ADCY5: variants seen among roughly 807,000 people sequenced by gnomAD.
ADCY5 encodes the protein adenylate cyclase 5.
Under a neutral mutation model 119.7 loss-of-function variants are expected in ADCY5, and 30 were observed. That is an observed-to-expected ratio of 0.25 (90% CI 0.19 to 0.34). The LOEUF (loss-of-function observed/expected upper bound fraction) is 0.34. Among genes scored for constraint, ADCY5 ranks in the 10% least tolerant of loss-of-function variants. The pLI is 1.00. For synonymous variants in ADCY5, 753 were observed against 762.2 expected, an observed-to-expected ratio of 0.99 and a Z score of 0.20; for missense variants, 1,324 against 1,775.2, an observed-to-expected ratio of 0.75 and a Z score of 4.57.
chr3:123,385,411 G>A (rs139414689), intron 1 of ADCY5, among the ~76,000 whole-genome samples: 488 of 152,292 alleles, frequency 3.2e-3, no homozygotes, highest in Non-Finnish European at 4.5e-3. Flanking sequence ...CGTTAATAGA[G>A]CCAAAGTGCT....
chr3:123,384,063 C>T (rs1256327796), intron 1 of ADCY5, among the ~76,000 whole-genome samples: 1 of 152,158 alleles, frequency 6.6e-6, no homozygotes, highest in Non-Finnish European at 1.5e-5. Flanking sequence ...TCTGTCCATG[C>T]TCCCGGGACA....
chr3:123,438,861 C>A (rs1483609342), intron 1 of ADCY5, among the ~76,000 whole-genome samples: 1 of 152,056 alleles, frequency 6.6e-6, no homozygotes, highest in Non-Finnish European at 1.5e-5. Flanking sequence ...ATCCTTCCAC[C>A]TCAGCCTCCC....
In ADCY5 at chr3:123,325,326, C is replaced by T. The variant is rs765349480; in HGVS notation, c.2084G>A (p.Arg695Gln). 3.7e-6 allele frequency: 6 copies of T among 1,614,078 alleles called. No individual in the cohort carries two copies. Among genetic ancestry groups the T allele is most frequent in the Admixed American group, 3.3e-5 (2 of 60,022 alleles). Residue 695 changes from arginine to glutamine, a missense_variant, in exon 8 of 21, where the codon CGG becomes CAG. By Grantham distance (43) the Arg-to-Gln change is conservative. Coordinates refer to ENST00000462833, the MANE Select transcript of ADCY5 (RefSeq NM_183357.3). Reference protein sequence around the residue: ...GGNQVSKEMKRMGFEDPKDKN... With the variant: ...GGNQVSKEMKQMGFEDPKDKN... ...GCTGCCCCACCAGCCACTCACCATC[C>T]GCTTCATCTCCTTGGACACCTGGTT...
chr3:123,428,914 G>C (rs142620322), intron 1 of ADCY5, among the ~76,000 whole-genome samples: 2 of 152,186 alleles, frequency 1.3e-5, no homozygotes, highest in African/African-American at 4.8e-5. Context: ...TTCAGAGTGC[G>C]AGCACTGGAG....
rs145447657 is a variant in ADCY5 at position 123,447,468 on chromosome 3, G to C, written c.1078C>G (p.Leu360Val). 6.2e-7 allele frequency: 1 copy of C among 1,610,216 alleles called. No homozygotes were observed. The highest frequency in any genetic ancestry group is 1.3e-5 in the African/African-American group (1 of 74,890). Residue 360 changes from leucine (L) to valine (V), a missense_variant, in exon 1 of 21, where the codon CTC becomes GTC. By Grantham distance (32) the Leu-to-Val change is conservative. This residue lies in a region of ADCY5 where 585 missense variants were observed against 569.9 expected (regional missense o/e 1.03). Transcript: ENST00000462833. ...GTGCGCAGGGCGATGGCCAGGTGGA[G>C]GGCGGACAGGAGCACCCCGCTGAGC... ...AVLSGVLLSA[L>V]HLAIALRTNA...
chr3:123,342,010 A>G (rs1429443444), intron 3 of ADCY5, among the ~76,000 whole-genome samples: 2 of 152,094 alleles, frequency 1.3e-5, no homozygotes, highest in Non-Finnish European at 2.9e-5. Context: ...CTGTAACCTC[A>G]GGCTCCTGGG....
At chr3:123,375,613 A>C (rs1056536371) in intron 1 of ADCY5, among the ~76,000 whole-genome samples, 2 of 152,238 alleles carry the variant, frequency 1.3e-5, no homozygotes, top group African/African-American at 4.8e-5. Context: ...TTCAGCTAAG[A>C]GTCTGCCCCA....
At chr3:123,307,542 G>A (rs976311548) in intron 12 of ADCY5, among the ~76,000 whole-genome samples, 4 of 152,186 alleles carry the variant, frequency 2.6e-5, no homozygotes, top group Non-Finnish European at 4.4e-5. Context: ...TCACAGCTGG[G>A]GAAGTGTTTT....
chr3:123,368,247 G>T (rs1046374567), intron 1 of ADCY5, among the ~76,000 whole-genome samples: 2 of 152,324 alleles, frequency 1.3e-5, no homozygotes, highest in East Asian at 3.9e-4. Context: ...CACAGGCTGG[G>T]ACTAACAATG....
chr3:123,332,718 T>A (rs747479173), intron 3 of ADCY5, 43 bp from the exon 4 acceptor site: 14 of 1,283,478 alleles, frequency 1.1e-5, no homozygotes, highest in Non-Finnish European at 1.6e-5. Context: ...ATAGGCTGAA[T>A]CTTTGTGTCT....
chr3:123,296,881 C>G, intron 16 of ADCY5: 1 of 978,722 alleles, frequency 1.0e-6, no homozygotes, highest in East Asian at 2.7e-5. Context: ...AGAGCTCAAC[C>G]CCTGGAAGGC....
In ADCY5 at chr3:123,288,888, A is replaced by G. The variant is rs1306357024; in HGVS notation, c.3532+862T>C. On this transcript the variant is annotated intron_variant, in intron 19 of 20. Transcript: ENST00000462833. ...ACAGCCCCTCCAGAGCCATCCAACT[A>G]AGGCAAGGCATGTGACAAAGGAGTC... Among the ~76,000 whole-genome samples, 3 of 152,190 alleles carry G rather than the reference A, an allele frequency of 2.0e-5. No individual in the cohort carries two copies. The East Asian group carries it at 5.8e-4, about 29-fold the overall frequency.
In ADCY5 at chr3:123,403,388, A is replaced by G. The variant is rs866190961; in HGVS notation, c.1134+44024T>C. On this transcript the variant is annotated intron_variant, in intron 1 of 20. Transcript: ENST00000462833. ...AGAGCGAGACCCTGTCTCAAAAAAA[A>G]AAAAAAAAAAAAAAGAGTACAGATT... Among the ~76,000 whole-genome samples, 455 of 151,238 alleles carry G rather than the reference A, an allele frequency of 3.0e-3. 2 individuals carry two copies. Among genetic ancestry groups the G allele is most frequent in the Middle Eastern group, 6.8e-3 (2 of 292 alleles).
chr3:123,322,318 G>A (rs568163829), intron 8 of ADCY5, among the ~76,000 whole-genome samples: 26 of 152,326 alleles, frequency 1.7e-4, no homozygotes, highest in Non-Finnish European at 2.6e-4. Flanking sequence ...AGGCCGAAAT[G>A]TTGTGAATAA....
intron 3 of ADCY5, among the ~76,000 whole-genome samples, chr3:123,340,983 G>C (rs762602956): frequency 2.2e-4 from 34 of 152,102 alleles, no homozygotes; most frequent in African/African-American, 8.2e-4. Context: ...AAATTAGCCA[G>C]GCATGGTGGT....
intron 3 of ADCY5, among the ~76,000 whole-genome samples, chr3:123,340,931 C>A (rs1216652040): frequency 6.6e-6 from 1 of 151,808 alleles, no homozygotes; most frequent in Non-Finnish European, 1.5e-5. Context: ...TTGAGACCAG[C>A]CTGGCCAAAA....
intron 1 of ADCY5, among the ~76,000 whole-genome samples, chr3:123,383,217 G>A (rs927006232): frequency 6.6e-6 from 1 of 152,168 alleles, no homozygotes; most frequent in East Asian, 1.9e-4. Context: ...GTCGCATTTT[G>A]GAAATCTGAG....
intron 1 of ADCY5, chr3:123,419,165 C>T (rs1945249399): frequency 1.1e-5 from 11 of 985,282 alleles, no homozygotes; most frequent in East Asian, 1.1e-4. Flanking sequence ...CGAGAGAGCA[C>T]CGCATCCCCT....
At chr3:123,285,449 T>G (rs112313720) in intron 20 of ADCY5, among the ~76,000 whole-genome samples, 2 of 152,126 alleles carry the variant, frequency 1.3e-5, no homozygotes, top group Admixed American at 1.3e-4. Flanking sequence ...TGGGGACAGA[T>G]GTGGGGAGGG....
Sources: gnomAD v4.1 joint callset for allele counts (sites outside exome capture counted in the v4.1 genomes callset) on GRCh38, gnomAD v4.1.1 for gene constraint, gnomAD v4.1.1 regional missense constraint, MANE v1.5 for transcripts, NCBI Gene and HGNC (gene_info 2026-07-23, HGNC 2026-07-21) for gene names.